The following KIF3B variants were observed in gnomAD, a reference collection of about 807,000 sequenced individuals.
The protein encoded by KIF3B is kinesin-like protein KIF3B.
Under a neutral mutation model 74.3 loss-of-function variants are expected in KIF3B, and 38 were observed. The observed-to-expected ratio is 0.51, with a 90% CI of 0.39 to 0.67. The LOEUF is 0.67. KIF3B is among the 30% of genes least tolerant of loss of function. KIF3B has a pLI of 0.00. For missense variants in KIF3B, 649 were observed against 932.0 expected (o/e 0.70, Z 3.95); for synonymous variants, 326 against 342.5 (o/e 0.95, Z 0.53).
intron 5 of KIF3B, among the ~76,000 whole-genome samples, chr20:32,325,865 G>A (rs750291177): frequency 1.3e-5 from 2 of 151,400 alleles, no homozygotes; most frequent in South Asian, 2.1e-4. Flanking sequence ...ACAGAGTTTC[G>A]CCATGTTGGC....
Position 32,327,605 on chromosome 20 carries a change from C to A in KIF3B, c.1912C>A (p.Pro638Thr). ...RPVSAVGYKR[P>T]LSQHARMSMM... Reference sequence around the variant, plus strand: ...AGTCTCAGCCGTGGGATATAAGAGACCATTGAGCCAGCACGCAAGAATGTC... The same window carrying A: ...AGTCTCAGCCGTGGGATATAAGAGAACATTGAGCCAGCACGCAAGAATGTC... The change falls in exon 7 of 9, where the codon CCA becomes ACA. Residue 638 changes from proline (P) to threonine (T), a missense_variant. Pro to Thr is a conservative substitution (Grantham distance 38). Transcript: ENST00000375712. The A allele has an allele frequency of 1.2e-6, 2 of 1,613,474 alleles. No homozygotes were observed. The highest frequency in any genetic ancestry group is 1.7e-6 in the Non-Finnish European group (2 of 1,179,738).
intron 1 of KIF3B, among the ~76,000 whole-genome samples, chr20:32,286,772 T>G (rs2047669025): frequency 6.6e-6 from 1 of 152,210 alleles, no homozygotes; most frequent in Non-Finnish European, 1.5e-5. Flanking sequence ...CCTCCATTGT[T>G]GTTATTTAGG....
In KIF3B at chr20:32,310,923, G is replaced by T; in HGVS notation, c.1146G>T (p.Lys382Asn). The T allele has an allele frequency of 6.2e-7, 1 of 1,613,840 alleles. No homozygotes were observed. Among genetic ancestry groups the T allele is most frequent in the Middle Eastern group, 1.6e-4 (1 of 6,062 alleles). The change falls in exon 2 of 9, where the codon AAG becomes AAT. Residue 382 changes from lysine to asparagine, a missense_variant. Around this residue, in one of 4 missense-constraint regions of KIF3B, gnomAD observed 363 missense variants for 592.8 expected, o/e 0.61. Transcript: ENST00000375712. The surrounding 1 kb of genome is among the most constrained non-coding windows in gnomAD (Gnocchi z 6.5). ...RSIGRRKRRE[K>N]RREGGGSGGG... ...TTGGTAGGAGGAAGAGGCGAGAGAA[G>T]CGGAGGGAAGGTGGTGGCAGTGGTG...
intron 8 of KIF3B, among the ~76,000 whole-genome samples, chr20:32,330,711 T>A (rs2047925909): frequency 6.6e-6 from 1 of 152,184 alleles, no homozygotes; most frequent in African/African-American, 2.4e-5. Context: ...CTTAGAGAAT[T>A]TGAGAAAGTA....
intron 1 of KIF3B, among the ~76,000 whole-genome samples, chr20:32,284,988 A>G (rs1032100916): frequency 8.6e-5 from 13 of 151,678 alleles, no homozygotes; most frequent in Non-Finnish European, 1.5e-4. Context: ...TGCTCTTTCT[A>G]CCATTCATTC....
At chr20:32,296,607 A>T (rs939755118) in intron 1 of KIF3B, among the ~76,000 whole-genome samples, 1 of 152,122 alleles carries the variant, frequency 6.6e-6, no homozygotes, top group African/African-American at 2.4e-5. Flanking sequence ...GAAGAAAAAA[A>T]AAAGGGTATA....
chr20:32,324,011 A>G (rs2047890639), intron 5 of KIF3B, among the ~76,000 whole-genome samples: 2 of 151,990 alleles, frequency 1.3e-5, no homozygotes, highest in Admixed American at 1.3e-4. Flanking sequence ...TGGGAAGCTG[A>G]GGCAGGAGGA....
rs1010827749 is a variant in KIF3B, at chr20:32,333,214, G to A, written c.*1895G>A. 1.3e-5 allele frequency: 2 copies of A among 152,008 alleles called. No individual in the cohort carries two copies. The highest frequency in any genetic ancestry group is 4.8e-5 in the African/African-American group (2 of 41,354). 9.4% of individuals were successfully genotyped at this position (152,008 alleles called of 1,614,324 possible). A position where few individuals can be genotyped will look rare whatever the true frequency, so the allele number is the denominator to read the frequency against. On this transcript the variant is annotated 3_prime_UTR_variant, in exon 9 of 9. Transcript: ENST00000375712. ...TTGCCTGTTTGAATAAGAACAAAACGCTAAGGTGGGTAGCCTAAGCTGATT... is the reference window on the plus strand; with the variant it reads ...TTGCCTGTTTGAATAAGAACAAAACACTAAGGTGGGTAGCCTAAGCTGATT...
intron 1 of KIF3B, among the ~76,000 whole-genome samples, chr20:32,306,407 A>T (rs1286496155): frequency 5.9e-5 from 9 of 151,978 alleles, no homozygotes; most frequent in Non-Finnish European, 1.2e-4. Context: ...AGAAAAAAAA[A>T]ATTATTGATT....
chr20:32,308,456 G>A (rs1226534518), intron 1 of KIF3B, among the ~76,000 whole-genome samples: 1 of 152,044 alleles, frequency 6.6e-6, no homozygotes, highest in Non-Finnish European at 1.5e-5. Flanking sequence ...TGTCCTCCAG[G>A]CCAGAGTGCA....
In KIF3B at chr20:32,293,944, T is replaced by C. The variant is rs375214625; in HGVS notation, c.-65-15769T>C. Among the ~76,000 whole-genome samples, 120 of 152,342 alleles carry C rather than the reference T, an allele frequency of 7.9e-4. 1 individual carries two copies. Among genetic ancestry groups the C allele is most frequent in the African/African-American group, 2.7e-3 (114 of 41,588 alleles). ...TGGTTTTGAATCCTGACTCTTCCAC[T>C]TAATTGTCGTGTAACCTTGGGCAAA... On this transcript the variant is annotated intron_variant, in intron 1 of 8. Transcript: ENST00000375712.
chr20:32,299,195 C>T (rs1465215877), intron 1 of KIF3B, among the ~76,000 whole-genome samples: 1 of 151,474 alleles, frequency 6.6e-6, no homozygotes, highest in Non-Finnish European at 1.5e-5. Flanking sequence ...TGCAACTACT[C>T]AACTCTATTC....
intron 1 of KIF3B, among the ~76,000 whole-genome samples, chr20:32,292,759 GA>G (rs1052714866): frequency 6.6e-6 from 1 of 150,586 alleles, no homozygotes; most frequent in Non-Finnish European, 1.5e-5. Context: ...CTTGGCTCTT[GA>G]AAAACAACAG....
In KIF3B at chr20:32,334,537, C is replaced by T. The variant is rs1195105532; in HGVS notation, c.*3218C>T. On this transcript the variant is annotated 3_prime_UTR_variant, in exon 9 of 9. Transcript: ENST00000375712. ...TATCAGTTCTGCCTCACATTTCCCA[C>T]TTGAGGTTGAGGCGTACTGGAGACA... 5.2e-5 allele frequency: 8 copies of T among 152,610 alleles called. No individual in the cohort carries two copies. The highest frequency in any genetic ancestry group is 5.2e-4 in the Admixed American group (8 of 15,264). The allele number at this position is 152,610 out of a possible 1,614,324, so 9.5% of individuals were successfully genotyped here. A position where few individuals can be genotyped will look rare whatever the true frequency, so the allele number is the denominator to read the frequency against.
intron 1 of KIF3B, among the ~76,000 whole-genome samples, chr20:32,305,803 C>CG (rs2047767744): frequency 6.6e-6 from 1 of 151,032 alleles, no homozygotes; most frequent in Admixed American, 6.6e-5. Flanking sequence ...AGGCTGGTCT[C>CG]GAACTGCTGC....
chr20:32,286,273 T>G (rs1331664026), intron 1 of KIF3B, among the ~76,000 whole-genome samples: 1 of 152,204 alleles, frequency 6.6e-6, no homozygotes, highest in Non-Finnish European at 1.5e-5. Context: ...GTGACATAAA[T>G]TAAACAGAAA....
chr20:32,322,433 A>G (rs950475698), intron 5 of KIF3B, among the ~76,000 whole-genome samples: 5 of 149,166 alleles, frequency 3.4e-5, no homozygotes, highest in African/African-American at 9.9e-5. Context: ...ACATGGTGAA[A>G]CCCTGTCTCT....
intron 2 of KIF3B, among the ~76,000 whole-genome samples, chr20:32,314,413 A>C (rs2047817031): frequency 6.6e-6 from 1 of 151,938 alleles, no homozygotes. Context: ...GGTGGCATGC[A>C]CCTGTAGTTC....
At chr20:32,294,139 A>G (rs2047705731) in intron 1 of KIF3B, among the ~76,000 whole-genome samples, 1 of 150,046 alleles carries the variant, frequency 6.7e-6, no homozygotes, top group Admixed American at 6.6e-5. Context: ...TCTGAATAGT[A>G]GGTGTTGTCC....
Sources: allele counts gnomAD v4.1 joint callset (sites outside exome capture counted in the v4.1 genomes callset), GRCh38; gene constraint gnomAD v4.1.1; regional missense constraint gnomAD v4.1.1; non-coding constraint Gnocchi (gnomAD v3.1); transcripts MANE v1.5; gene names NCBI Gene and HGNC (gene_info 2026-07-23, HGNC 2026-07-21).